The following ANKS1B variants were observed in gnomAD, a reference collection of about 807,000 sequenced individuals.
The protein encoded by ANKS1B is ankyrin repeat and sterile alpha motif domain-containing protein 1B.
A neutral mutation model predicts 148.3 loss-of-function variants in ANKS1B; 36 were observed. The observed-to-expected ratio is 0.24, with a 90% CI of 0.19 to 0.32. The LOEUF (loss-of-function observed/expected upper bound fraction) is 0.32, where lower values mean the gene tolerates loss of function less well. Among genes scored for constraint, ANKS1B ranks in the 10% least tolerant of loss-of-function variants. ANKS1B has a pLI of 1.00. For missense variants in ANKS1B, 1,157 were observed against 1,542.6 expected (o/e 0.75, Z 4.19); for synonymous variants, 542 against 560.8 (o/e 0.97, Z 0.47).
chr12:99,388,534 G>C (rs12580241), intron 12 of ANKS1B, among the ~76,000 whole-genome samples: 4 of 152,184 alleles, frequency 2.6e-5, no homozygotes, highest in African/African-American at 9.7e-5. Context: ...TCCAAAATCA[G>C]AGGAGCATGG....
rs2099957395 is a variant in ANKS1B at position 99,039,220 on chromosome 12, A to C, written c.2778+13937T>G. On this transcript the variant is annotated intron_variant, in intron 17 of 26. Transcript: ENST00000683438. The stretch of plus-strand genomic sequence containing the variant: ...GACTACCTTTCAACTGAAGCATTTT[A>C]CCGGACATGCCAACTGATGGCAGCA... 2.0e-5 allele frequency among the ~76,000 whole-genome samples: 3 copies of C among 152,216 alleles called. No individual in the cohort carries two copies. In the South Asian group the frequency reaches 6.2e-4, roughly 32 times the overall value.
At position 99,600,790 on chromosome 12, in the gene ANKS1B, T is replaced by C. The variant is rs79468415; in HGVS notation, c.1272+54277A>G. Among the ~76,000 whole-genome samples the C allele has an allele frequency of 8.5e-3, 1,290 of 152,214 alleles. 43 individuals are homozygous for C. In the East Asian group the frequency reaches 0.11, roughly 13 times the overall value. On this transcript the variant is annotated intron_variant, in intron 9 of 26. Transcript: ENST00000683438. ...GAAAATAGAAGGAATTCTACCTCCT[T>C]CTAAACTGTGGTTCCTACCTACATC...
chr12:99,431,350 T>C (rs2095367587), intron 11 of ANKS1B, among the ~76,000 whole-genome samples: 1 of 152,232 alleles, frequency 6.6e-6, no homozygotes, highest in African/African-American at 2.4e-5. Context: ...GGCATATTTA[T>C]TGCTGAGTTT....
At chr12:99,346,381 G>GCACA (rs1555396083) in intron 12 of ANKS1B, among the ~76,000 whole-genome samples, 5 of 147,874 alleles carry the variant, frequency 3.4e-5, no homozygotes, top group South Asian at 2.1e-4. Context: ...TCTCACACAC[G>GCACA]CACACACACA....
intron 14 of ANKS1B, 72 bp downstream of exon 14, chr12:99,244,270 A>C (rs1441904613): frequency 7.7e-6 from 8 of 1,043,824 alleles, no homozygotes; most frequent in Non-Finnish European, 1.1e-5. Flanking sequence ...CAATTATCTA[A>C]AGATTCCTAT....
At chr12:99,455,352 G>C (rs901758036) in intron 10 of ANKS1B, among the ~76,000 whole-genome samples, 1 of 152,178 alleles carries the variant, frequency 6.6e-6, no homozygotes, top group Non-Finnish European at 1.5e-5. Flanking sequence ...CACTCAGATG[G>C]ACAGAGCAGC....
chr12:99,292,973 C>T (rs2080247637), intron 12 of ANKS1B, among the ~76,000 whole-genome samples: 1 of 152,156 alleles, frequency 6.6e-6, no homozygotes, highest in African/African-American at 2.4e-5. Flanking sequence ...ACTAGAAATA[C>T]CATTTGACCC....
Position 99,102,129 on chromosome 12 carries a change from G to A in ANKS1B, c.2527-17106C>T, listed in dbSNP as rs1369835080. Among the ~76,000 whole-genome samples, 5 of 152,268 alleles carry A rather than the reference G, an allele frequency of 3.3e-5. No homozygotes were observed. The East Asian group carries it at 7.7e-4, about 24-fold the overall frequency. On this transcript the variant is annotated intron_variant, in intron 15 of 26. Transcript: ENST00000683438. ...AGTGTGTCGTGTCAGATGCCAAGAG[G>A]GTAACGAGTTTCATGAATAAGGATA...
chr12:99,163,467 C>CTG (rs146637164), intron 14 of ANKS1B, among the ~76,000 whole-genome samples: 4,309 of 134,928 alleles, frequency 0.032, 81 homozygotes, highest in African/African-American at 0.04. Context: ...TACATGCACT[C>CTG]TGTGTGTGTG....
At chr12:98,907,005 CTGTGTGTGTGTGTGTG>C (rs59857138) in intron 17 of ANKS1B, among the ~76,000 whole-genome samples, 21 of 145,744 alleles carry the variant, frequency 1.4e-4, no homozygotes, top group East Asian at 1.4e-3. Context: ...CATAGTTACT[CTGTGTGTGTGTGTGTG>C]TGTGTGTGTG....
At chr12:99,485,025 G>A (rs144427191) in intron 10 of ANKS1B, among the ~76,000 whole-genome samples, 85 of 151,754 alleles carry the variant, frequency 5.6e-4, no homozygotes, top group African/African-American at 2.0e-3. Flanking sequence ...TACATTCAAC[G>A]TTAATATTGA....
intron 8 of ANKS1B, among the ~76,000 whole-genome samples, chr12:99,688,944 T>G (rs1024691623): frequency 2.6e-5 from 4 of 152,134 alleles, no homozygotes; most frequent in Non-Finnish European, 2.9e-5. Flanking sequence ...AGTAATATAT[T>G]TTAAGGGTTC....
Position 99,716,095 on chromosome 12 carries a change from TCTCC to T in ANKS1B, c.1128+56823_1128+56826del, listed in dbSNP as rs2057285272. Among the ~76,000 whole-genome samples the T allele has an allele frequency of 2.6e-5, 4 of 152,166 alleles. No homozygotes were observed. The South Asian group carries it at 6.2e-4, about 24-fold the overall frequency. On this transcript the variant is annotated intron_variant, in intron 8 of 26. Coordinates refer to ENST00000683438, the MANE Select transcript of ANKS1B (RefSeq NM_001352186.2). ...GAGGGGCAAAAACCACAACCCCTTC[TCTCC>T]CTGTCTCTACCCCTTCTCTGCTTTT... is the stretch of plus-strand genomic sequence containing the variant.
chr12:99,692,552 T>C (rs2053254512), intron 8 of ANKS1B, among the ~76,000 whole-genome samples: 2 of 151,256 alleles, frequency 1.3e-5, no homozygotes, highest in African/African-American at 4.9e-5. Flanking sequence ...ATGCCTGTGG[T>C]CCCAGCTACT....
At chr12:99,039,208 C>G (rs1476749486) in intron 17 of ANKS1B, among the ~76,000 whole-genome samples, 1 of 152,242 alleles carries the variant, frequency 6.6e-6, no homozygotes, top group Non-Finnish European at 1.5e-5. Flanking sequence ...TACCTTTCAA[C>G]TGAAGCATTT....
chr12:99,675,943 G>A (rs542624282), intron 8 of ANKS1B, among the ~76,000 whole-genome samples: 2 of 152,030 alleles, frequency 1.3e-5, no homozygotes, highest in Admixed American at 6.6e-5. Flanking sequence ...CTTGTGATAG[G>A]GTTTGGCTTT....
chr12:99,489,583 T>A (rs2152961745), intron 10 of ANKS1B, among the ~76,000 whole-genome samples: 1 of 152,272 alleles, frequency 6.6e-6, no homozygotes, highest in African/African-American at 2.4e-5. Context: ...TTCAGAAAGG[T>A]ATGCCACCGT....
chr12:98,902,704 T>C (rs928767204), intron 17 of ANKS1B, among the ~76,000 whole-genome samples: 1 of 152,184 alleles, frequency 6.6e-6, no homozygotes, highest in Non-Finnish European at 1.5e-5. Flanking sequence ...AAAATGAGGA[T>C]AAGTGTTCTT....
chr12:99,416,294 T>C (rs964039185), intron 11 of ANKS1B, among the ~76,000 whole-genome samples: 1 of 152,264 alleles, frequency 6.6e-6, no homozygotes, highest in African/African-American at 2.4e-5. Context: ...TTAGCTGTTA[T>C]GAATAATGCT....
Sources: gnomAD v4.1 joint callset for allele counts (sites outside exome capture counted in the v4.1 genomes callset) on GRCh38, gnomAD v4.1.1 for gene constraint, MANE v1.5 for transcripts, NCBI Gene and HGNC (gene_info 2026-07-23, HGNC 2026-07-21) for gene names.